The following NPSR1 variants were observed in gnomAD, a reference collection of about 807,000 sequenced individuals.
NPSR1 encodes the protein neuropeptide S receptor 1.
A neutral mutation model predicts 46.9 loss-of-function variants in NPSR1; 48 were observed. The observed-to-expected ratio is 1.02, with a 90% CI of 0.81 to 1.30. The LOEUF is 1.30. Ranked by LOEUF, NPSR1 falls within the 50% of genes most tolerant of loss-of-function variation. The pLI is 0.00. For synonymous variants in NPSR1, 176 were observed against 168.1 expected (o/e 1.05, Z -0.36); for missense variants, 450 against 449.5 (o/e 1.00, Z -0.01).
At chr7:34,852,702 G>A (rs1001505851), downstream of NPSR1, among the ~76,000 whole-genome samples, 4 of 152,192 alleles carry the variant, frequency 2.6e-5, no homozygotes, top group Non-Finnish European at 2.9e-5. Context: ...GCTTAGTGCT[G>A]TGACGTTACT....
At chr7:34,825,232 A>G (rs147211700) in intron 4 of NPSR1, among the ~76,000 whole-genome samples, 72 of 152,312 alleles carry the variant, frequency 4.7e-4, no homozygotes, top group African/African-American at 1.7e-3. Flanking sequence ...CTATCAGTCT[A>G]GACTACCTTC....
chr7:34,861,464 G>A (rs1000937707), intron 8 of NPSR1, among the ~76,000 whole-genome samples: 1 of 151,638 alleles, frequency 6.6e-6, no homozygotes, highest in African/African-American at 2.4e-5. Flanking sequence ...CTGGATGCCC[G>A]ACTATCTGGC....
chr7:34,802,295 A>T (rs1788459961), intron 3 of NPSR1, among the ~76,000 whole-genome samples: 1 of 150,368 alleles, frequency 6.7e-6, no homozygotes, highest in African/African-American at 2.5e-5. Context: ...TGGAGGCATC[A>T]CACTACCTGA....
chr7:34,667,912 C>CA (rs375709432), intron 1 of NPSR1, among the ~76,000 whole-genome samples: 6 of 151,276 alleles, frequency 4.0e-5, no homozygotes, highest in East Asian at 1.9e-4. Context: ...CAAGTATTAG[C>CA]AAAAAAAACC....
In NPSR1 at chr7:34,834,407, G is replaced by A. The variant is rs116249859; in HGVS notation, c.704G>A (p.Arg235Gln). Residue 235 changes from arginine to glutamine, a missense_variant, in exon 6 of 9, where the codon CGA (arginine) becomes CAA (glutamine). Physicochemically the swap from Arg to Gln is conservative, Grantham distance 43. Transcript: ENST00000360581. ...IISIMYGIVIRTIWIKSKTYE... is the reference protein window; with the variant it reads ...IISIMYGIVIQTIWIKSKTYE... ...AGCATCATGTATGGCATTGTGATCC[G>A]AACTATTTGGATTAAAAGCAAAACC... is the stretch of plus-strand genomic sequence containing the variant. 182 of 1,613,536 alleles carry A rather than the reference G, an allele frequency of 1.1e-4. No homozygotes were observed. In the East Asian group the frequency reaches 3.7e-3, roughly 33 times the overall value.
intron 6 of NPSR1, among the ~76,000 whole-genome samples, chr7:34,844,641 A>T (rs1790683574): frequency 6.6e-6 from 1 of 152,166 alleles, no homozygotes. Context: ...TGTTCAGGCC[A>T]TCTGACCAAG....
chr7:34,862,360 C>T (rs1030126497), intron 8 of NPSR1, among the ~76,000 whole-genome samples: 3 of 151,756 alleles, frequency 2.0e-5, no homozygotes, highest in African/African-American at 7.3e-5. Context: ...CCAGAATCAG[C>T]CCTGGGGCCT....
At chr7:34,840,091 A>G (rs1790510732) in intron 6 of NPSR1, among the ~76,000 whole-genome samples, 1 of 151,982 alleles carries the variant, frequency 6.6e-6, no homozygotes. Context: ...GTTAGGTGAA[A>G]TCTTCTCATA....
rs75664979 is a variant in NPSR1 at position 34,776,433 on chromosome 7, C to T, written c.281-2029C>T. On this transcript the variant is annotated intron_variant, in intron 2 of 8. Transcript: ENST00000360581. The stretch of plus-strand genomic sequence containing the variant: ...TGTTATATTCTCTTGCTGAATTGAC[C>T]CCTTTTTCACTATATAGTAACCTTC... 8.0e-3 allele frequency among the ~76,000 whole-genome samples: 1,224 copies of T among 152,108 alleles called. 10 individuals carry two copies. The highest frequency in any genetic ancestry group is 0.013 in the Non-Finnish European group (883 of 67,986).
chr7:34,830,092 G>T (rs921533985), intron 5 of NPSR1, among the ~76,000 whole-genome samples: 2 of 152,208 alleles, frequency 1.3e-5, no homozygotes, highest in Admixed American at 6.5e-5. Context: ...CCAGGCCCTG[G>T]GGGGGCGAGT....
intron 4 of NPSR1, among the ~76,000 whole-genome samples, chr7:34,824,895 C>T (rs570599393): frequency 3.3e-5 from 5 of 152,192 alleles, no homozygotes; most frequent in African/African-American, 1.2e-4. Context: ...CCCCTCCAGT[C>T]CTATTACCTG....
downstream of NPSR1, among the ~76,000 whole-genome samples, chr7:34,853,569 A>G (rs2128766458): frequency 6.6e-6 from 1 of 152,360 alleles, no homozygotes; most frequent in Middle Eastern, 3.4e-3. Flanking sequence ...CCAGGCTTAC[A>G]GAATGTTAAA....
At chr7:34,773,569 C>A (rs748220675) in intron 2 of NPSR1, among the ~76,000 whole-genome samples, 3 of 152,122 alleles carry the variant, frequency 2.0e-5, no homozygotes, top group Non-Finnish European at 4.4e-5. Flanking sequence ...CAGAGGGGAA[C>A]CAATGTAGTC....
Position 34,716,062 on chromosome 7 carries a change from C to T in NPSR1, c.280+31378C>T, listed in dbSNP as rs1431987444. 2.0e-5 allele frequency among the ~76,000 whole-genome samples: 3 copies of T among 151,546 alleles called. No individual in the cohort carries two copies. The East Asian group carries it at 5.8e-4, about 30-fold the overall frequency. The stretch of plus-strand genomic sequence containing the variant: ...GGGTGGCCTCCAGAGCTGAGTCCAC[C>T]AGGATGTACAACAAATTATGCTTGA... On this transcript the variant is annotated intron_variant, in intron 2 of 8. Coordinates refer to ENST00000360581, the MANE Select transcript of NPSR1 (RefSeq NM_207172.2).
chr7:34,684,761 C>CAA (rs11290993), intron 2 of NPSR1, 77 bp downstream of exon 2: 304 of 946,024 alleles, frequency 3.2e-4, no homozygotes, highest in South Asian at 9.1e-4. Context: ...TGAATTTTAT[C>CAA]AAAAAAAAAA....
intron 8 of NPSR1, among the ~76,000 whole-genome samples, chr7:34,867,279 C>G (rs1791334841): frequency 6.6e-6 from 1 of 151,828 alleles, no homozygotes; most frequent in African/African-American, 2.4e-5. Context: ...CAAGCCAAGC[C>G]CTGGAGAAGA....
rs776345361 is a variant in NPSR1, at chr7:34,848,666, A to G, written c.1025+3A>G. On this transcript the variant is annotated splice_donor_region_variant and intron_variant, in intron 8 of 8. Coordinates refer to ENST00000360581, the MANE Select transcript of NPSR1 (RefSeq NM_207172.2). ...AGCTCCATCTCTTTCCCCTGCAGGT[A>G]AGGGGAGCTCTTGCATGGGTCAGAC... 1.2e-6 allele frequency: 2 copies of G among 1,612,426 alleles called. No homozygotes were observed. The highest frequency in any genetic ancestry group is 3.3e-5 in the Admixed American group (2 of 60,008).
At position 34,856,485 on chromosome 7, in the gene NPSR1, G is replaced by A. The variant is rs531541993; in HGVS notation, c.1025+7822G>A. On this transcript the variant is annotated intron_variant, in intron 8 of 8. Transcript: ENST00000359791. Reference sequence around the variant, plus strand: ...TAAAATTTATTACTCCTATGCACACGGGGAAAATCGGAGTGATTGGCCAAT... The same window carrying A: ...TAAAATTTATTACTCCTATGCACACAGGGAAAATCGGAGTGATTGGCCAAT... 5.3e-5 allele frequency among the ~76,000 whole-genome samples: 8 copies of A among 151,798 alleles called. 1 individual carries two copies. Among genetic ancestry groups the A allele is most frequent in the Admixed American group, 1.3e-4 (2 of 15,292 alleles).
intron 8 of NPSR1, among the ~76,000 whole-genome samples, chr7:34,856,580 T>G (rs1475020582): frequency 6.6e-6 from 1 of 151,536 alleles, no homozygotes; most frequent in Non-Finnish European, 1.5e-5. Context: ...GCGTGGATGA[T>G]TTTAGGGGAA....
Sources: gnomAD v4.1 joint callset for allele counts (sites outside exome capture counted in the v4.1 genomes callset) on GRCh38, gnomAD v4.1.1 for gene constraint, MANE v1.5 for transcripts, NCBI Gene and HGNC (gene_info 2026-07-23, HGNC 2026-07-21) for gene names.